SWT1: variants seen among roughly 807,000 people sequenced by gnomAD.
SWT1 encodes SWT1 RNA endoribonuclease homolog, also known as transcriptional protein SWT1.
Under a neutral mutation model 107.3 loss-of-function variants are expected in SWT1, and 33 were observed. The ratio of observed to expected loss-of-function variants is 0.31; its 90% CI spans 0.23 to 0.41. The LOEUF (loss-of-function observed/expected upper bound fraction) is 0.41, where lower values mean the gene tolerates loss of function less well. Among genes scored for constraint, SWT1 ranks in the 10% least tolerant of loss-of-function variants. The pLI is 1.00. For missense variants in SWT1, 898 were observed against 1,028.9 expected, an observed-to-expected ratio of 0.87 and a Z score of 1.74; for synonymous variants, 345 against 348.3, an observed-to-expected ratio of 0.99 and a Z score of 0.11.
chr1:185,160,701 C>CAA, intron 1 of SWT1, 132 bp from the exon 2 acceptor site: 2 of 628,866 alleles, frequency 3.2e-6, no homozygotes, highest in Non-Finnish European at 5.1e-6. Flanking sequence ...GACTCCATCT[C>CAA]AAAAAAAAAT....
chr1:185,270,124 A>G (rs1160812114), intron 16 of SWT1, among the ~76,000 whole-genome samples: 1 of 152,170 alleles, frequency 6.6e-6, no homozygotes, highest in African/African-American at 2.4e-5. Flanking sequence ...CAGTAGCCCT[A>G]CGAAGTAGGG....
At chr1:185,274,446 C>T (rs772458574) in intron 17 of SWT1, among the ~76,000 whole-genome samples, 2 of 151,488 alleles carry the variant, frequency 1.3e-5, no homozygotes, top group Admixed American at 6.6e-5. Flanking sequence ...CATGCATCAT[C>T]GTGCCTGGCT....
rs529672408 is a variant in SWT1 at position 185,173,926 on chromosome 1, T to C, written c.225-446T>C. On this transcript the variant is annotated intron_variant, in intron 4 of 18. Coordinates refer to ENST00000367500, the MANE Select transcript of SWT1 (RefSeq NM_017673.7). ...CCCAGTTACGTGGTAGTCTGGGAGG[T>C]AGAAGGATTTCCTGAGCCTGGGAGG... Among the ~76,000 whole-genome samples, 124 of 152,058 alleles carry C rather than the reference T, an allele frequency of 8.2e-4. 1 individual carries two copies. Among genetic ancestry groups the C allele is most frequent in the Middle Eastern group, 3.4e-3 (1 of 294 alleles).
chr1:185,213,417 G>A (rs1476129916), intron 13 of SWT1, among the ~76,000 whole-genome samples: 1 of 152,174 alleles, frequency 6.6e-6, no homozygotes, highest in African/African-American at 2.4e-5. Flanking sequence ...GGATAAAGGA[G>A]AAGCCAGAGG....
chr1:185,199,536 G>C (rs1657688790), intron 10 of SWT1, among the ~76,000 whole-genome samples: 1 of 152,114 alleles, frequency 6.6e-6, no homozygotes, highest in Non-Finnish European at 1.5e-5. Context: ...ATGAAAGTCT[G>C]GTTTGAAAAT....
intron 5 of SWT1, among the ~76,000 whole-genome samples, chr1:185,177,864 A>G (rs936564419): frequency 3.9e-5 from 6 of 152,198 alleles, no homozygotes; most frequent in African/African-American, 9.7e-5. Flanking sequence ...ACAGCATCAC[A>G]TTTAATTCTT....
At chr1:185,188,149 A>C (rs2102400588) in intron 9 of SWT1, among the ~76,000 whole-genome samples, 1 of 152,308 alleles carries the variant, frequency 6.6e-6, no homozygotes, top group Middle Eastern at 3.4e-3. Context: ...AGGATACATA[A>C]CCAGACTGGT....
At chr1:185,213,650 CA>C (rs1296771820) in intron 13 of SWT1, among the ~76,000 whole-genome samples, 3 of 151,980 alleles carry the variant, frequency 2.0e-5, no homozygotes, top group Non-Finnish European at 4.4e-5. Flanking sequence ...AACATTAAAA[CA>C]AAAAGTAAAC....
At chr1:185,279,883 G>T (rs1311090842) in intron 18 of SWT1, among the ~76,000 whole-genome samples, 2 of 151,988 alleles carry the variant, frequency 1.3e-5, no homozygotes, top group African/African-American at 2.4e-5. Context: ...TATTTAAATT[G>T]TCTGAATTTG....
intron 16 of SWT1, among the ~76,000 whole-genome samples, chr1:185,236,970 C>G (rs535074370): frequency 6.6e-6 from 1 of 152,332 alleles, no homozygotes; most frequent in East Asian, 1.9e-4. Flanking sequence ...CTCATCATCA[C>G]TAGTCATTAG....
At chr1:185,222,661 A>G (rs1272835117) in intron 15 of SWT1, among the ~76,000 whole-genome samples, 1 of 146,140 alleles carries the variant, frequency 6.8e-6, no homozygotes, top group African/African-American at 2.5e-5. Context: ...GCTGCTCAGG[A>G]GGCTGAGGCA....
intron 9 of SWT1, among the ~76,000 whole-genome samples, chr1:185,189,646 G>A (rs1571454818): frequency 6.6e-6 from 1 of 151,860 alleles, no homozygotes; most frequent in Non-Finnish European, 1.5e-5. Context: ...TTTCCTTTGA[G>A]TTTACTAATA....
chr1:185,221,160 C>G (rs1325248446), intron 14 of SWT1, among the ~76,000 whole-genome samples: 1 of 152,138 alleles, frequency 6.6e-6, no homozygotes, highest in African/African-American at 2.4e-5. Flanking sequence ...TAAAGAATGT[C>G]TTGGGGTCTC....
At chr1:185,209,402 G>A (rs1301006986) in intron 13 of SWT1, among the ~76,000 whole-genome samples, 2 of 152,084 alleles carry the variant, frequency 1.3e-5, no homozygotes, top group African/African-American at 2.4e-5. Flanking sequence ...AGGCCCCAGT[G>A]TGTGATGTTC....
At chr1:185,173,631 C>A (rs961629548) in intron 4 of SWT1, among the ~76,000 whole-genome samples, 1 of 151,822 alleles carries the variant, frequency 6.6e-6, no homozygotes, top group African/African-American at 2.4e-5. Flanking sequence ...ATCTCTTGAG[C>A]CTGATATGTT....
At chr1:185,279,235 T>C (rs1664456876) in intron 18 of SWT1, among the ~76,000 whole-genome samples, 1 of 152,202 alleles carries the variant, frequency 6.6e-6, no homozygotes, top group Admixed American at 6.5e-5. Flanking sequence ...AGCCGTATTT[T>C]TTAGTGTAAA....
intron 16 of SWT1, among the ~76,000 whole-genome samples, chr1:185,252,758 T>C (rs1344756105): frequency 6.6e-6 from 1 of 152,218 alleles, no homozygotes; most frequent in Admixed American, 6.5e-5. Context: ...TGGTAGTTTC[T>C]TTTGCTGTAC....
intron 10 of SWT1, among the ~76,000 whole-genome samples, chr1:185,201,914 G>C (rs1657912960): frequency 6.6e-6 from 1 of 152,040 alleles, no homozygotes; most frequent in Non-Finnish European, 1.5e-5. Context: ...CCTACATTCT[G>C]TTGCTTTCTA....
At chr1:185,237,949 A>G (rs1661009224) in intron 16 of SWT1, among the ~76,000 whole-genome samples, 1 of 151,976 alleles carries the variant, frequency 6.6e-6, no homozygotes, top group Non-Finnish European at 1.5e-5. Flanking sequence ...GGATAAGAAA[A>G]GATTGGTAGC....
Sources: gnomAD v4.1 joint callset for allele counts (sites outside exome capture counted in the v4.1 genomes callset) on GRCh38, gnomAD v4.1.1 for gene constraint, MANE v1.5 for transcripts, NCBI Gene and HGNC (gene_info 2026-07-23, HGNC 2026-07-21) for gene names.